The following GSK3A variants were observed in gnomAD, a reference collection of about 807,000 sequenced individuals.
GSK3A encodes the protein glycogen synthase kinase 3 alpha.
A neutral mutation model predicts 56.6 loss-of-function variants in GSK3A; 14 were observed. The ratio of observed to expected loss-of-function variants is 0.25; its 90% CI spans 0.16 to 0.39. The LOEUF (loss-of-function observed/expected upper bound fraction) is 0.39, where lower values mean the gene tolerates loss of function less well. GSK3A is among the 10% of genes least tolerant of loss of function. The pLI is 1.00. For synonymous variants in GSK3A, 301 were observed against 285.0 expected (o/e 1.06, Z -0.56); for missense variants, 450 against 656.0 (o/e 0.69, Z 3.43).
chr19:42,233,260 CTGCCCAGCCCAG>C lies in GSK3A; in HGVS notation c.1002+14_1002+25del. 1 of 1,477,628 alleles carries C rather than the reference CTGCCCAGCCCAG, an allele frequency of 6.8e-7. No individual in the cohort carries two copies. The highest frequency in any genetic ancestry group is 1.8e-5 in the Admixed American group (1 of 56,782). 91.5% of individuals were successfully genotyped at this position (1,477,628 alleles called of 1,614,324 possible). The stretch of plus-strand genomic sequence containing the variant: ...GGGCCCCATCCCTCAGCCCCACCCC[CTGCCCAGCCCAG>C]CCCCGCCCCTCACCTTGATGATCTC... On this transcript the variant is annotated intron_variant, in intron 7 of 10. Coordinates refer to ENST00000222330, the MANE Select transcript of GSK3A (RefSeq NM_019884.3).
At position 42,233,122 on chromosome 19, in the gene GSK3A, G is replaced by T. The variant is rs1474572177; in HGVS notation, c.1086C>A (p.His362Gln). 1 of 1,596,436 alleles carries T rather than the reference G, an allele frequency of 6.3e-7. No individual in the cohort carries two copies. Among genetic ancestry groups the T allele is most frequent in the Non-Finnish European group, 8.5e-7 (1 of 1,170,190 alleles). Residue 362 changes from histidine to glutamine, a missense_variant, in exon 8 of 11, where the codon CAC becomes CAA. Physicochemically the swap from His to Gln is conservative, Grantham distance 24 (BLOSUM62 0). Around this residue, in one of 3 missense-constraint regions of GSK3A, gnomAD observed 144 missense variants for 308.0 expected, o/e 0.47. Coordinates refer to ENST00000222330, the MANE Select transcript of GSK3A (RefSeq NM_019884.3). ...AGCCCTGCCCCACCTTTGTCCAGGG[G>T]TGAGCTTTAATCTGAGGGAACTTGA... ...TEFKFPQIKA[H>Q]PWTKVFKSRT...
chr19:42,236,549 G>C (rs1334126770), intron 4 of GSK3A, 57 bp downstream of exon 4: 1 of 1,023,336 alleles, frequency 9.8e-7, no homozygotes, highest in Non-Finnish European at 1.6e-6. Flanking sequence ...AAGGCAGGAG[G>C]CTCCAGAGCC....
chr19:42,231,784 A>AC (rs1173966975), intron 10 of GSK3A, among the ~76,000 whole-genome samples: 1 of 152,168 alleles, frequency 6.6e-6, no homozygotes, highest in Non-Finnish European at 1.5e-5. Flanking sequence ...AAAAAAAAAA[A>AC]AAACAAACTT....
At chr19:42,240,251 C>T in intron 1 of GSK3A, 109 bp from the exon 2 acceptor site, 1 of 959,050 alleles carries the variant, frequency 1.0e-6, no homozygotes, top group South Asian at 1.3e-5. Context: ...CGTTGGGGAC[C>T]TCTTTGTCCC....
chr19:42,232,208 C>T, intron 9 of GSK3A, 59 bp from the exon 10 acceptor site: 2 of 1,055,018 alleles, frequency 1.9e-6, no homozygotes, highest in Non-Finnish European at 2.9e-6. Context: ...ATGATGGGCA[C>T]CAAATGGGAA....
At chr19:42,231,624 AT>A (rs2036224096) in intron 10 of GSK3A, among the ~76,000 whole-genome samples, 1 of 151,800 alleles carries the variant, frequency 6.6e-6, no homozygotes, top group Non-Finnish European at 1.5e-5. Flanking sequence ...AAATACAAAA[AT>A]TAGCCAGGCG....
intron 2 of GSK3A, 103 bp downstream of exon 2, chr19:42,239,851 TG>T: frequency 1.2e-6 from 1 of 864,470 alleles, no homozygotes; most frequent in Non-Finnish European, 1.9e-6. Flanking sequence ...CCTTCTCTTC[TG>T]GCCCATGGCT....
At chr19:42,233,063 G>T (rs369235427) in intron 8 of GSK3A, 47 bp downstream of exon 8, 1 of 1,252,706 alleles carries the variant, frequency 8.0e-7, no homozygotes, top group Non-Finnish European at 1.1e-6. Flanking sequence ...CCTCCAAGGG[G>T]GACCAGCTCT....
In GSK3A at chr19:42,242,223, G is replaced by A. The variant is rs1229031299; in HGVS notation, c.243C>T (p.Gly81=). 2.1e-6 allele frequency: 3 copies of A among 1,444,336 alleles called. No homozygotes were observed. The highest frequency in any genetic ancestry group is 1.5e-5 in the African/African-American group (1 of 67,482). The allele number at this position is 1,444,336 out of a possible 1,614,324, so 89.5% of individuals were successfully genotyped here. A position where few individuals can be genotyped will look rare whatever the true frequency, so the allele number is the denominator to read the frequency against. ...CGGGCGGCGGGAAGCTAGTGCCTGCGCCGGGGCCTCCGCTGCCTCCTCCGC... is the reference window on the plus strand; with the variant it reads ...CGGGCGGCGGGAAGCTAGTGCCTGCACCGGGGCCTCCGCTGCCTCCTCCGC... The part of the protein sequence containing the change: ...GSGGGGSGGP[G]AGTSFPPPGV... The change falls in exon 1 of 11, where the codon GGC becomes GGT. Residue 81 remains glycine, a synonymous_variant. Transcript: ENST00000222330.
chr19:42,234,521 C>T lies in GSK3A; in HGVS notation c.797+27G>A. The stretch of plus-strand genomic sequence containing the variant: ...AGGGTTGGGGTCCCCCCTGCCTCTT[C>T]AGCCACCCAACATGCCCCAGGCCCA... On this transcript the variant is annotated intron_variant, in intron 5 of 10. Transcript: ENST00000222330. This position sits in a 1 kb window ranked among gnomAD's most constrained non-coding sequence, Gnocchi z 5.7. 1 of 1,612,420 alleles carries T rather than the reference C, an allele frequency of 6.2e-7. No individual in the cohort carries two copies.
Position 42,242,497 on chromosome 19 carries a change from C to G in GSK3A, c.-32G>C. 2.8e-6 allele frequency: 3 copies of G among 1,077,402 alleles called. No homozygotes were observed. The highest frequency in any genetic ancestry group is 3.4e-6 in the Non-Finnish European group (3 of 891,834). 66.7% of individuals were successfully genotyped at this position (1,077,402 alleles called of 1,614,324 possible). A position where few individuals can be genotyped will look rare whatever the true frequency, so the allele number is the denominator to read the frequency against. On this transcript the variant is annotated 5_prime_UTR_variant, in exon 1 of 11. Coordinates refer to ENST00000222330, the MANE Select transcript of GSK3A (RefSeq NM_019884.3). ...GAGCACAGGCCCAGGCTGCGGGGCTCGGGCTGCCCGGGCTGCCCCAGCCGC... is the reference window on the plus strand; with the variant it reads ...GAGCACAGGCCCAGGCTGCGGGGCTGGGGCTGCCCGGGCTGCCCCAGCCGC...
rs1555748916 is a variant in GSK3A at position 42,242,378 on chromosome 19, C to T, written c.88G>A (p.Gly30Arg). Residue 30 changes from glycine (G) to arginine (R), a missense_variant, in exon 1 of 11, where the codon GGA becomes AGA. By Grantham distance (125) the Gly-to-Arg change is moderately radical. This residue lies in a region of GSK3A where 193 missense variants were observed against 200.5 expected (regional missense o/e 0.96). Coordinates refer to ENST00000222330, the MANE Select transcript of GSK3A (RefSeq NM_019884.3). ...CCTCCGGGGCCGCCGCCGCCTCCTCCGCCTCCGCCGCCGGGCTCCGCGAAC... is the reference window on the plus strand; with the variant it reads ...CCTCCGGGGCCGCCGCCGCCTCCTCTGCCTCCGCCGCCGGGCTCCGCGAAC... The part of the protein sequence containing the change: ...SSFAEPGGGG[G>R]GGGGGPGGSA... 7.2e-7 allele frequency: 1 copy of T among 1,391,562 alleles called. No homozygotes were observed. Among genetic ancestry groups the T allele is most frequent in the Non-Finnish European group, 9.3e-7 (1 of 1,074,870 alleles). The allele number at this position is 1,391,562 out of a possible 1,614,324, so 86.2% of individuals were successfully genotyped here. A position where few individuals can be genotyped will look rare whatever the true frequency, so the allele number is the denominator to read the frequency against.
intron 10 of GSK3A, among the ~76,000 whole-genome samples, chr19:42,231,789 A>T (rs904938323): frequency 3.3e-5 from 5 of 151,544 alleles, no homozygotes; most frequent in African/African-American, 1.2e-4. Context: ...AAAAAAAAAC[A>T]AACTTGGGCA....
chr19:42,237,392 T>C (rs112654436), intron 2 of GSK3A, among the ~76,000 whole-genome samples: 9,275 of 151,190 alleles, frequency 0.061, 391 homozygotes, highest in South Asian at 0.17. Flanking sequence ...CTCCTGACCT[T>C]GTGATCCACC....
Position 42,242,176 on chromosome 19 carries a change from TACTC to T in GSK3A, c.283+3_283+6del. On this transcript the variant is annotated splice_donor_5th_base_variant and intron_variant, in intron 1 of 10. Transcript: ENST00000222330. ...CACCACCCTACACGGGCGCCACTAGTACTCACGGCCCAGCTTCACCCCGGGCGGC... is the reference window on the plus strand; with the variant it reads ...CACCACCCTACACGGGCGCCACTAGTACGGCCCAGCTTCACCCCGGGCGGC... 7.1e-7 allele frequency: 1 copy of T among 1,398,698 alleles called. No individual in the cohort carries two copies. The highest frequency in any genetic ancestry group is 9.3e-7 in the Non-Finnish European group (1 of 1,079,628). The allele number at this position is 1,398,698 out of a possible 1,614,324, so 86.6% of individuals were successfully genotyped here. A position where few individuals can be genotyped will look rare whatever the true frequency, so the allele number is the denominator to read the frequency against.
intron 9 of GSK3A, 30 bp downstream of exon 9, chr19:42,232,466 C>A: frequency 1.2e-6 from 2 of 1,608,116 alleles, no homozygotes; most frequent in Non-Finnish European, 8.5e-7. Flanking sequence ...TACCCCGCCC[C>A]ACTCCCCAGA....
intron 10 of GSK3A, among the ~76,000 whole-genome samples, chr19:42,231,157 C>T (rs535571593): frequency 3.9e-4 from 59 of 152,112 alleles, no homozygotes; most frequent in African/African-American, 1.4e-3. Flanking sequence ...GTCAGCAGTT[C>T]GAGACCAGCC....
chr19:42,242,314 G>T lies in GSK3A; in HGVS notation c.152C>A (p.Ala51Glu). The change falls in exon 1 of 11, where the codon GCA becomes GAA. Residue 51 changes from alanine (A) to glutamate (E), a missense_variant. Around this residue, in one of 3 missense-constraint regions of GSK3A, gnomAD observed 193 missense variants for 200.5 expected, o/e 0.96. Transcript: ENST00000222330. ...GCCCCCACCCATGGCCCCGACAGAT[G>T]CCTTTCCGCCGCCGGTGCCGCCTGG... ...SGPGGTGGGK[A>E]SVGAMGGGVG... 1 of 1,436,336 alleles carries T rather than the reference G, an allele frequency of 7.0e-7. No individual in the cohort carries two copies. Among genetic ancestry groups the T allele is most frequent in the Non-Finnish European group, 9.1e-7 (1 of 1,100,802 alleles). The allele number at this position is 1,436,336 out of a possible 1,614,324, so 89.0% of individuals were successfully genotyped here.
Position 42,230,528 on chromosome 19 carries a change from G to A in GSK3A, c.*266C>T, listed in dbSNP as rs1190805480. ...GAGGAGGTGGAGGTCTGGGGGAGGG[G>A]AGGGGGCCAAGGGGGTAGGAGGTCC... On this transcript the variant is annotated 3_prime_UTR_variant, in exon 11 of 11. Transcript: ENST00000222330. The A allele has an allele frequency of 7.8e-6, 4 of 510,104 alleles. No homozygotes were observed. The highest frequency in any genetic ancestry group is 1.4e-5 in the Non-Finnish European group (4 of 284,408). The allele number at this position is 510,104 out of a possible 1,614,324, so 31.6% of individuals were successfully genotyped here.
Sources: gnomAD v4.1 joint callset for allele counts (sites outside exome capture counted in the v4.1 genomes callset) on GRCh38, gnomAD v4.1.1 for gene constraint, gnomAD v4.1.1 regional missense constraint, Gnocchi (gnomAD v3.1) non-coding constraint, MANE v1.5 for transcripts, NCBI Gene and HGNC (gene_info 2026-07-23, HGNC 2026-07-21) for gene names.